Variants in PLXDC2 observed in about 807,000 individuals in gnomAD.
PLXDC2 encodes the protein plexin domain containing 2.
A neutral mutation model predicts 68.9 loss-of-function variants in PLXDC2; 40 were observed. The observed-to-expected ratio is 0.58, with a 90% CI of 0.45 to 0.76. PLXDC2 has a LOEUF of 0.76. Ranked by LOEUF, PLXDC2 falls within the 30% of genes least tolerant of loss-of-function variation. The pLI is 0.00. For missense variants in PLXDC2, 644 were observed against 661.9 expected (o/e 0.97, Z 0.30); for synonymous variants, 243 against 234.2 (o/e 1.04, Z -0.34).
At chr10:20,150,336 G>A (rs190155827) in intron 6 of PLXDC2, among the ~76,000 whole-genome samples, 3 of 152,256 alleles carry the variant, frequency 2.0e-5, no homozygotes, top group Admixed American at 2.0e-4. Flanking sequence ...TAATGGGATT[G>A]CTGGCCTGAA....
At chr10:19,904,981 C>T (rs1050002544) in intron 1 of PLXDC2, among the ~76,000 whole-genome samples, 1 of 152,188 alleles carries the variant, frequency 6.6e-6, no homozygotes. Context: ...TGTGTGCTAG[C>T]CTTTTATGTC....
At chr10:20,076,136 T>G (rs1186279937) in intron 4 of PLXDC2, among the ~76,000 whole-genome samples, 1 of 152,206 alleles carries the variant, frequency 6.6e-6, no homozygotes, top group Non-Finnish European at 1.5e-5. Context: ...TAACAATATA[T>G]GCCAGATGCT....
intron 9 of PLXDC2, among the ~76,000 whole-genome samples, chr10:20,196,518 C>CTAGCAAAG (rs79400164): frequency 0.21 from 31,336 of 151,764 alleles, 3,730 homozygotes; most frequent in East Asian, 0.4. Flanking sequence ...ACACCCAAAC[C>CTAGCAAAG]TAGCAAAGTT....
intron 2 of PLXDC2, among the ~76,000 whole-genome samples, chr10:20,003,641 A>T (rs1834978788): frequency 6.6e-6 from 1 of 152,178 alleles, no homozygotes; most frequent in Non-Finnish European, 1.5e-5. Flanking sequence ...CATGTTGGCC[A>T]GGCTGGTCTT....
At chr10:19,971,258 CTG>C (rs1834346845) in intron 1 of PLXDC2, among the ~76,000 whole-genome samples, 1 of 152,050 alleles carries the variant, frequency 6.6e-6, no homozygotes, top group Non-Finnish European at 1.5e-5. Flanking sequence ...GTGAATGTGC[CTG>C]TGTTTTTTAT....
intron 13 of PLXDC2, among the ~76,000 whole-genome samples, chr10:20,276,440 T>C (rs1434498749): frequency 1.3e-5 from 2 of 152,224 alleles, no homozygotes; most frequent in Admixed American, 1.3e-4. Context: ...GGAGAATTCC[T>C]GACTGCACAG....
intron 9 of PLXDC2, among the ~76,000 whole-genome samples, chr10:20,210,311 T>C (rs1835051784): frequency 6.6e-6 from 1 of 152,180 alleles, no homozygotes; most frequent in Admixed American, 6.5e-5. Flanking sequence ...TGTGATCTTT[T>C]CCTCTCTTTC....
At chr10:19,823,430 C>T (rs1836514140) in intron 1 of PLXDC2, among the ~76,000 whole-genome samples, 1 of 151,702 alleles carries the variant, frequency 6.6e-6, no homozygotes, top group Admixed American at 6.6e-5. Context: ...CCTGTGATCC[C>T]AGCACTTTTT....
chr10:20,252,587 C>G (rs377424789), intron 13 of PLXDC2, among the ~76,000 whole-genome samples: 2 of 152,104 alleles, frequency 1.3e-5, no homozygotes, highest in South Asian at 4.1e-4. Context: ...TGGTTTTTAG[C>G]AAGAGGGAAA....
intron 1 of PLXDC2, among the ~76,000 whole-genome samples, chr10:19,874,153 C>A (rs1029834174): frequency 6.6e-6 from 1 of 152,122 alleles, no homozygotes; most frequent in Admixed American, 6.6e-5. Context: ...GTTACTCCTG[C>A]CAATGAAATC....
At chr10:19,884,817 G>A (rs1342694621) in intron 1 of PLXDC2, among the ~76,000 whole-genome samples, 3 of 152,152 alleles carry the variant, frequency 2.0e-5, no homozygotes, top group East Asian at 3.9e-4. Context: ...AAATATATGT[G>A]TGCATGTGTC....
chr10:20,175,122 G>A (rs1834508824), intron 7 of PLXDC2, among the ~76,000 whole-genome samples: 1 of 152,072 alleles, frequency 6.6e-6, no homozygotes, highest in African/African-American at 2.4e-5. Context: ...CAAAAAACTT[G>A]TATGATCTAA....
intron 7 of PLXDC2, among the ~76,000 whole-genome samples, chr10:20,176,365 A>G (rs1160499284): frequency 6.7e-6 from 1 of 149,150 alleles, no homozygotes; most frequent in Non-Finnish European, 1.5e-5. Flanking sequence ...CAAGCTAATT[A>G]ACACATTCAT....
intron 3 of PLXDC2, among the ~76,000 whole-genome samples, chr10:20,054,190 A>T (rs995848546): frequency 1.3e-5 from 2 of 151,804 alleles, no homozygotes; most frequent in African/African-American, 4.8e-5. Context: ...GCCCAAACTG[A>T]GTTGTTAGGA....
intron 1 of PLXDC2, among the ~76,000 whole-genome samples, chr10:19,877,137 A>G (rs1376872548): frequency 2.6e-5 from 4 of 151,570 alleles, no homozygotes; most frequent in African/African-American, 9.7e-5. Context: ...GATAAAAGCT[A>G]TTTATTTTTT....
At chr10:20,002,806 G>C (rs753756052) in intron 2 of PLXDC2, among the ~76,000 whole-genome samples, 3 of 152,148 alleles carry the variant, frequency 2.0e-5, no homozygotes, top group Non-Finnish European at 4.4e-5. Context: ...GCTAGGCAGA[G>C]TAAATTTCCT....
At chr10:20,008,925 C>T (rs560687539) in intron 2 of PLXDC2, among the ~76,000 whole-genome samples, 15 of 152,290 alleles carry the variant, frequency 9.8e-5, no homozygotes, top group African/African-American at 3.4e-4. Context: ...CCTCTCCAGC[C>T]GTGTGGAACT....
At chr10:20,008,215 A>T (rs1377444627) in intron 2 of PLXDC2, among the ~76,000 whole-genome samples, 1 of 152,196 alleles carries the variant, frequency 6.6e-6, no homozygotes, top group Non-Finnish European at 1.5e-5. Context: ...TTTAACTAGA[A>T]AGTCTGTTTA....
intron 4 of PLXDC2, among the ~76,000 whole-genome samples, chr10:20,123,130 A>C (rs1235717006): frequency 6.6e-6 from 1 of 152,252 alleles, no homozygotes; most frequent in East Asian, 1.9e-4. Flanking sequence ...ACCAGGTGTG[A>C]GGAGGGGAGG....
Sources: gnomAD v4.1 joint callset for allele counts (sites outside exome capture counted in the v4.1 genomes callset) on GRCh38, gnomAD v4.1.1 for gene constraint, MANE v1.5 for transcripts, NCBI Gene and HGNC (gene_info 2026-07-23, HGNC 2026-07-21) for gene names.